Variants in GPR155 observed in about 807,000 individuals in gnomAD.
GPR155 encodes G protein-coupled receptor 155, also known as lysosomal cholesterol signaling protein.
GPR155 carries 65 observed loss-of-function variants against 93.1 expected under a neutral mutation model. The ratio of observed to expected loss-of-function variants is 0.70; its 90% CI spans 0.57 to 0.86. The LOEUF is 0.86. GPR155 is among the 40% of genes least tolerant of loss of function. The probability of loss-of-function intolerance (pLI) is 0.00; values close to 1 mark genes in which losing one functional copy is unlikely to be tolerated. For missense variants in GPR155, 838 were observed against 1,034.8 expected, an observed-to-expected ratio of 0.81 and a Z score of 2.61; for synonymous variants, 319 against 360.1, an observed-to-expected ratio of 0.89 and a Z score of 1.29.
At chr2:174,483,831 C>A (rs557869479) in intron 1 of GPR155, among the ~76,000 whole-genome samples, 1 of 152,036 alleles carries the variant, frequency 6.6e-6, no homozygotes, top group African/African-American at 2.4e-5. Context: ...GTGATCTGCC[C>A]GCCTCGGCCT....
At chr2:174,447,594 T>A (rs956434553) in intron 11 of GPR155, among the ~76,000 whole-genome samples, 5 of 146,158 alleles carry the variant, frequency 3.4e-5, no homozygotes, top group South Asian at 4.2e-4. Flanking sequence ...TAAATAAAAA[T>A]TTTATATTTA....
chr2:174,467,072 G>T (rs1055957171), intron 5 of GPR155, among the ~76,000 whole-genome samples: 1 of 152,096 alleles, frequency 6.6e-6, no homozygotes, highest in Non-Finnish European at 1.5e-5. Context: ...CAGAAGAATT[G>T]CTTGAACCTG....
At chr2:174,441,115 CA>C in intron 14 of GPR155, among the ~76,000 whole-genome samples, 1 of 151,994 alleles carries the variant, frequency 6.6e-6, no homozygotes. Context: ...ATAGTTCCTC[CA>C]ATTTTTTTTT....
chr2:174,457,348 G>A (rs1163050652), intron 10 of GPR155, among the ~76,000 whole-genome samples: 1 of 152,174 alleles, frequency 6.6e-6, no homozygotes, highest in African/African-American at 2.4e-5. Context: ...TTCAAAAGAA[G>A]AGAAGAAGAG....
At chr2:174,448,698 C>T (rs1166107913) in intron 11 of GPR155, among the ~76,000 whole-genome samples, 3 of 151,132 alleles carry the variant, frequency 2.0e-5, no homozygotes, top group African/African-American at 7.3e-5. Context: ...CCACTGCGCC[C>T]GGCTAATTTT....
intron 11 of GPR155, among the ~76,000 whole-genome samples, chr2:174,447,310 C>G (rs1171988263): frequency 6.8e-6 from 1 of 147,402 alleles, no homozygotes; most frequent in African/African-American, 2.5e-5. Flanking sequence ...GAGTAAGACT[C>G]TGTCTCAAAA....
At chr2:174,477,407 C>G (rs1264699272) in intron 2 of GPR155, among the ~76,000 whole-genome samples, 1 of 151,932 alleles carries the variant, frequency 6.6e-6, no homozygotes, top group Admixed American at 6.5e-5. Flanking sequence ...AATTTTGTAA[C>G]TTTTTTTACA....
chr2:174,448,769 C>G (rs1687231749), intron 11 of GPR155, among the ~76,000 whole-genome samples: 1 of 151,656 alleles, frequency 6.6e-6, no homozygotes, highest in Non-Finnish European at 1.5e-5. Flanking sequence ...GATCTCCTGA[C>G]CTCATGATCC....
At chr2:174,453,985 A>G (rs1037553780) in intron 10 of GPR155, 144 bp from the exon 11 acceptor site, 3 of 615,362 alleles carry the variant, frequency 4.9e-6, no homozygotes, top group Non-Finnish European at 8.8e-6. Flanking sequence ...GTATCTATCC[A>G]AAAGTATTCA....
At chr2:174,446,565 A>C (rs1687137091) in intron 12 of GPR155, 46 bp downstream of exon 12, 1 of 1,574,376 alleles carries the variant, frequency 6.4e-7, no homozygotes, top group African/African-American at 1.4e-5. Context: ...CCTTTGCCAA[A>C]AATTTAAAGA....
At position 174,461,442 on chromosome 2, in the gene GPR155, C is replaced by T. The variant is rs781327473; in HGVS notation, c.1520G>A (p.Gly507Glu). The change falls in exon 9 of 16, where the codon GGA becomes GAA. Residue 507 changes from glycine (G) to glutamate (E), a missense_variant. Physicochemically the swap from Gly to Glu is moderately conservative, Grantham distance 98. Coordinates refer to ENST00000392552, the MANE Select transcript of GPR155 (RefSeq NM_152529.7). ...AAAGAAGGCTGAGTCAATGCTATCTCCATTGTGTTTTCCAGTTATCAAAAG... is the reference window on the plus strand; with the variant it reads ...AAAGAAGGCTGAGTCAATGCTATCTTCATTGTGTTTTCCAGTTATCAAAAG... Reference protein sequence around the residue: ...GVLLITGKHNGDSIDSAFFYG... With the variant: ...GVLLITGKHNEDSIDSAFFYG... The T allele has an allele frequency of 5.6e-6, 9 of 1,613,470 alleles. No homozygotes were observed. Among genetic ancestry groups the T allele is most frequent in the Non-Finnish European group, 6.8e-6 (8 of 1,179,504 alleles).
chr2:174,447,409 T>C (rs1687168212), intron 11 of GPR155, among the ~76,000 whole-genome samples: 1 of 146,522 alleles, frequency 6.8e-6, no homozygotes, highest in East Asian at 1.9e-4. Flanking sequence ...TTATTTTATA[T>C]ATTAGTTATA....
chr2:174,485,467 G>A (rs1280220515), intron 1 of GPR155, among the ~76,000 whole-genome samples: 1 of 151,910 alleles, frequency 6.6e-6, no homozygotes, highest in Admixed American at 6.6e-5. Flanking sequence ...CTTGGTGGCA[G>A]ATGCCTGTAA....
intron 5 of GPR155, among the ~76,000 whole-genome samples, chr2:174,467,798 C>T (rs757585748): frequency 1.8e-4 from 28 of 152,134 alleles, no homozygotes; most frequent in Non-Finnish European, 3.4e-4. Context: ...TGCAGTGGTG[C>T]GATCTCGGCT....
Position 174,461,491 on chromosome 2 carries a change from T to A in GPR155, c.1471A>T (p.Ile491Phe), listed in dbSNP as rs527540472. ...AGAACACCAACAAGGAGAGCAGGAA[T>A]TCTGTAATCACAAGTGATATTGGGA... ...VGIIIISGWG[I>F]PALLVGVLLI... The change falls in exon 9 of 16, where the codon ATT (isoleucine) becomes TTT (phenylalanine). Residue 491 changes from isoleucine (I) to phenylalanine (F), a missense_variant and splice_region_variant. Transcript: ENST00000392552. 6.2e-7 allele frequency: 1 copy of A among 1,609,238 alleles called. No homozygotes were observed. Among genetic ancestry groups the A allele is most frequent in the East Asian group, 2.2e-5 (1 of 44,784 alleles).
chr2:174,474,546 A>G (rs1375480352), intron 2 of GPR155, among the ~76,000 whole-genome samples: 1 of 150,564 alleles, frequency 6.6e-6, no homozygotes, highest in African/African-American at 2.4e-5. Context: ...CCAAGTGCAA[A>G]CAAATTATTT....
At chr2:174,458,250 T>C (rs1687578428) in intron 10 of GPR155, among the ~76,000 whole-genome samples, 2 of 152,186 alleles carry the variant, frequency 1.3e-5, no homozygotes, top group Non-Finnish European at 2.9e-5. Flanking sequence ...TCAACAAGCA[T>C]TCATCAAATA....
chr2:174,484,790 C>T (rs1404083022), intron 1 of GPR155, among the ~76,000 whole-genome samples: 2 of 152,136 alleles, frequency 1.3e-5, no homozygotes, highest in Admixed American at 1.3e-4. Flanking sequence ...TGAGCTTAGT[C>T]ATGCGTGCCT....
intron 10 of GPR155, among the ~76,000 whole-genome samples, chr2:174,456,378 C>T (rs2105700342): frequency 1.3e-5 from 2 of 151,682 alleles, no homozygotes; most frequent in South Asian, 4.2e-4. Context: ...ACTCTTGGCT[C>T]ACTGCAGCCT....
Sources: allele counts gnomAD v4.1 joint callset (sites outside exome capture counted in the v4.1 genomes callset), GRCh38; gene constraint gnomAD v4.1.1; transcripts MANE v1.5; gene names NCBI Gene and HGNC (gene_info 2026-07-23, HGNC 2026-07-21).